The following MAML2 variants were observed in gnomAD, a reference collection of about 807,000 sequenced individuals.
The protein encoded by MAML2 is mastermind-like protein 2.
A neutral mutation model predicts 96.1 loss-of-function variants in MAML2; 22 were observed. The observed-to-expected ratio is 0.23, with a 90% CI of 0.16 to 0.33. The LOEUF is 0.33. Ranked by LOEUF, MAML2 falls within the 10% of genes least tolerant of loss-of-function variation. MAML2 has a pLI of 1.00. For missense variants in MAML2, 1,367 were observed against 1,392.4 expected, an observed-to-expected ratio of 0.98 and a Z score of 0.29; for synonymous variants, 561 against 521.3, an observed-to-expected ratio of 1.08 and a Z score of -1.04.
chr11:95,995,932 T>C (rs1246121680), intron 2 of MAML2, among the ~76,000 whole-genome samples: 1 of 152,184 alleles, frequency 6.6e-6, no homozygotes, highest in Non-Finnish European at 1.5e-5. Flanking sequence ...CAAAAAGCAA[T>C]GCATAATCAT....
Position 95,986,106 on chromosome 11 carries a change from G to A in MAML2, c.2344-464C>T, listed in dbSNP as rs113725224. ...CTGATATGCTTTGGCAGGTACCTAC[G>A]TAGAATTCTGGTCCCACACAGTGGG... is the stretch of plus-strand genomic sequence containing the variant. On this transcript the variant is annotated intron_variant, in intron 3 of 4. Coordinates refer to ENST00000524717, the MANE Select transcript of MAML2 (RefSeq NM_032427.4). 1.8e-3 allele frequency among the ~76,000 whole-genome samples: 273 copies of A among 152,276 alleles called. 2 individuals are homozygous for A. The highest frequency in any genetic ancestry group is 5.8e-3 in the African/African-American group (241 of 41,566).
intron 2 of MAML2, among the ~76,000 whole-genome samples, chr11:96,059,818 T>G (rs1859126745): frequency 6.6e-6 from 1 of 152,190 alleles, no homozygotes; most frequent in Non-Finnish European, 1.5e-5. Flanking sequence ...GAACTGGTCA[T>G]GGGATAGACA....
chr11:96,268,402 G>C (rs1475556413), intron 1 of MAML2, among the ~76,000 whole-genome samples: 1 of 152,152 alleles, frequency 6.6e-6, no homozygotes. Flanking sequence ...TGAGAGGATG[G>C]CTTGAGCCCA....
chr11:96,095,782 G>A lies in MAML2; in HGVS notation c.514-2265C>T, dbSNP rs1441791562. Among the ~76,000 whole-genome samples, 4 of 152,298 alleles carry A rather than the reference G, an allele frequency of 2.6e-5. 1 individual carries two copies. Among genetic ancestry groups the A allele is most frequent in the South Asian group, 4.1e-4 (2 of 4,830 alleles). ...GGGCATCTGTTACTTTCAACAAAGA[G>A]TTCTAACCAAGTTGCCTGAGACTTC... On this transcript the variant is annotated intron_variant, in intron 1 of 4. Coordinates refer to ENST00000524717, the MANE Select transcript of MAML2 (RefSeq NM_032427.4).
intron 1 of MAML2, among the ~76,000 whole-genome samples, chr11:96,251,705 GA>G (rs1193598165): frequency 6.7e-6 from 1 of 148,778 alleles, no homozygotes. Context: ...AGCATCAACA[GA>G]AAAAAAGAGG....
At chr11:96,001,329 C>T (rs1313003021) in intron 2 of MAML2, among the ~76,000 whole-genome samples, 1 of 152,120 alleles carries the variant, frequency 6.6e-6, no homozygotes, top group African/African-American at 2.4e-5. Context: ...AGTTTGGTAA[C>T]TCAGGGGAAG....
intron 1 of MAML2, among the ~76,000 whole-genome samples, chr11:96,096,023 GA>G (rs1474196317): frequency 3.3e-5 from 5 of 152,182 alleles, no homozygotes; most frequent in Admixed American, 6.5e-5. Flanking sequence ...ATGGGGTCAG[GA>G]AGAACACAGA....
chr11:96,289,660 A>T (rs1863183840), intron 1 of MAML2, among the ~76,000 whole-genome samples: 1 of 152,216 alleles, frequency 6.6e-6, no homozygotes, highest in African/African-American at 2.4e-5. Context: ...CTAACCTGCG[A>T]CAGTTTTAAG....
At position 96,219,509 on chromosome 11, in the gene MAML2, C is replaced by T. The variant is rs191122935; in HGVS notation, c.513+121874G>A. Among the ~76,000 whole-genome samples the T allele has an allele frequency of 2.1e-4, 32 of 152,280 alleles. No individual in the cohort carries two copies. The East Asian group carries it at 5.6e-3, about 27-fold the overall frequency. ...TTAGGAAAAACATAGATAGTAGAAGCCTTGCACCGTGATTTACAGCATGAG... is the reference window on the plus strand; with the variant it reads ...TTAGGAAAAACATAGATAGTAGAAGTCTTGCACCGTGATTTACAGCATGAG... On this transcript the variant is annotated intron_variant, in intron 1 of 4. Coordinates refer to ENST00000524717, the MANE Select transcript of MAML2 (RefSeq NM_032427.4).
At chr11:96,062,875 C>G (rs547934551) in intron 2 of MAML2, among the ~76,000 whole-genome samples, 1 of 152,126 alleles carries the variant, frequency 6.6e-6, no homozygotes, top group African/African-American at 2.4e-5. Context: ...TATATTGTTT[C>G]GATGACAAGG....
rs1034485828 is a variant in MAML2, at chr11:96,247,028, A to G, written c.513+94355T>C. On this transcript the variant is annotated intron_variant, in intron 1 of 4. Transcript: ENST00000524717. ...ATTCTGCAGACAAAAATTGCGTGTG[A>G]TCCTCCTTACATAAGGACCTTAGTG... Among the ~76,000 whole-genome samples, 7 of 152,080 alleles carry G rather than the reference A, an allele frequency of 4.6e-5. 1 individual carries two copies. Among genetic ancestry groups the G allele is most frequent in the African/African-American group, 1.4e-4 (6 of 41,422 alleles).
chr11:96,140,888 C>T (rs1377888164), intron 1 of MAML2, among the ~76,000 whole-genome samples: 1 of 152,214 alleles, frequency 6.6e-6, no homozygotes, highest in Non-Finnish European at 1.5e-5. Flanking sequence ...CACACAGGAA[C>T]ATCACTGTCT....
At chr11:96,045,653 A>C (rs1858885074) in intron 2 of MAML2, among the ~76,000 whole-genome samples, 1 of 152,232 alleles carries the variant, frequency 6.6e-6, no homozygotes, top group Non-Finnish European at 1.5e-5. Context: ...TTAATTCTTA[A>C]TTTAAGAACA....
At chr11:96,232,444 G>A (rs1472115596) in intron 1 of MAML2, among the ~76,000 whole-genome samples, 16 of 150,696 alleles carry the variant, frequency 1.1e-4, no homozygotes, top group African/African-American at 3.9e-4. Context: ...TGGGTAGGAT[G>A]TGGGTGGGTG....
intron 2 of MAML2, among the ~76,000 whole-genome samples, chr11:96,074,654 C>T (rs548280745): frequency 2.0e-4 from 31 of 152,346 alleles, no homozygotes; most frequent in African/African-American, 6.7e-4. Flanking sequence ...GGCATGGAGA[C>T]GCCCACCGGC....
chr11:96,100,526 T>A (rs1859909203), intron 1 of MAML2, among the ~76,000 whole-genome samples: 1 of 152,062 alleles, frequency 6.6e-6, no homozygotes, highest in African/African-American at 2.4e-5. Context: ...GTCAGGCTGG[T>A]CTTGAACTCC....
intron 1 of MAML2, among the ~76,000 whole-genome samples, chr11:96,177,916 T>TTG (rs58447778): frequency 0.24 from 33,007 of 139,420 alleles, 4,205 homozygotes; most frequent in East Asian, 0.34. Context: ...GAGACCTTAG[T>TTG]TGTGTGTGTG....
At chr11:96,127,929 A>G (rs891000789) in intron 1 of MAML2, among the ~76,000 whole-genome samples, 1 of 152,208 alleles carries the variant, frequency 6.6e-6, no homozygotes, top group African/African-American at 2.4e-5. Context: ...AAATCCAGTA[A>G]TGCAAGAAGA....
intron 1 of MAML2, among the ~76,000 whole-genome samples, chr11:96,271,579 G>A (rs1431089333): frequency 6.6e-6 from 1 of 152,154 alleles, no homozygotes; most frequent in East Asian, 1.9e-4. Context: ...AGATCTGGTG[G>A]TTTTATAAGG....
Sources: gnomAD v4.1 joint callset for allele counts (sites outside exome capture counted in the v4.1 genomes callset) on GRCh38, gnomAD v4.1.1 for gene constraint, MANE v1.5 for transcripts, NCBI Gene and HGNC (gene_info 2026-07-23, HGNC 2026-07-21) for gene names.